LUZP2: variants seen among roughly 807,000 people sequenced by gnomAD.
LUZP2 encodes leucine zipper protein 2.
In LUZP2, 52 loss-of-function variants were observed where a neutral mutation model predicts 51.6. That is an observed-to-expected ratio of 1.01 (90% CI 0.81 to 1.27). The LOEUF is 1.27. LUZP2 is among the 50% of genes most tolerant of loss of function. LUZP2 has a pLI of 0.00. For synonymous variants in LUZP2, 154 were observed against 137.3 expected, an observed-to-expected ratio of 1.12 and a Z score of -0.85; for missense variants, 436 against 395.4, an observed-to-expected ratio of 1.10 and a Z score of -0.87.
chr11:24,714,578 T>C (rs982695966), intron 1 of LUZP2, among the ~76,000 whole-genome samples: 1 of 152,140 alleles, frequency 6.6e-6, no homozygotes, highest in Non-Finnish European at 1.5e-5. Context: ...AGTAAAAATC[T>C]TCATCAGCAT....
chr11:25,067,853 G>C (rs574889149), intron 10 of LUZP2, among the ~76,000 whole-genome samples: 1 of 152,096 alleles, frequency 6.6e-6, no homozygotes, highest in Admixed American at 6.6e-5. Flanking sequence ...CTACTATAAA[G>C]ACACATGCAC....
At chr11:24,504,852 T>C (rs1850102627) in intron 1 of LUZP2, among the ~76,000 whole-genome samples, 1 of 152,164 alleles carries the variant, frequency 6.6e-6, no homozygotes, top group Non-Finnish European at 1.5e-5. Context: ...AATGAATGGC[T>C]TTCATGAAGA....
intron 1 of LUZP2, among the ~76,000 whole-genome samples, chr11:24,715,133 AATG>A (rs1857987147): frequency 6.6e-6 from 1 of 150,824 alleles, no homozygotes; most frequent in Non-Finnish European, 1.5e-5. Context: ...AACAATGAAA[AATG>A]ATGTGTAATC....
At chr11:24,610,686 C>A (rs1854089106) in intron 1 of LUZP2, among the ~76,000 whole-genome samples, 1 of 152,172 alleles carries the variant, frequency 6.6e-6, no homozygotes, top group African/African-American at 2.4e-5. Flanking sequence ...TGGCTCAGGT[C>A]TATAATCCCA....
intron 8 of LUZP2, among the ~76,000 whole-genome samples, chr11:24,979,946 T>A (rs1010286300): frequency 1.3e-5 from 2 of 151,794 alleles, no homozygotes; most frequent in Non-Finnish European, 2.9e-5. Context: ...TAAATACTTC[T>A]TAATTAAAAA....
chr11:24,801,756 T>G (rs1021776982), intron 5 of LUZP2, among the ~76,000 whole-genome samples: 1 of 151,282 alleles, frequency 6.6e-6, no homozygotes, highest in Non-Finnish European at 1.5e-5. Flanking sequence ...TTATTTATTG[T>G]TTTTTCTTAA....
rs141486646 is a variant in LUZP2, at chr11:25,023,208, G to A, written c.766-26830G>A. Among the ~76,000 whole-genome samples, 1,187 of 152,148 alleles carry A rather than the reference G, an allele frequency of 7.8e-3. 32 individuals are homozygous for A. The East Asian group carries it at 0.098, about 13-fold the overall frequency. On this transcript the variant is annotated intron_variant, in intron 9 of 11. Transcript: ENST00000336930. Reference sequence around the variant, plus strand: ...CCCTCTTTTTCTATTGATTGGAATAGTTTCAGAAGGAATGGTACCAGCTCC... The same window carrying A: ...CCCTCTTTTTCTATTGATTGGAATAATTTCAGAAGGAATGGTACCAGCTCC...
chr11:24,890,965 C>T, intron 5 of LUZP2: 3 of 954,354 alleles, frequency 3.1e-6, no homozygotes, highest in Non-Finnish European at 3.7e-6. Flanking sequence ...AATACAACTG[C>T]AGTGAAATGG....
At chr11:25,038,396 A>C (rs925534400) in intron 9 of LUZP2, among the ~76,000 whole-genome samples, 4 of 152,234 alleles carry the variant, frequency 2.6e-5, no homozygotes, top group Non-Finnish European at 5.9e-5. Context: ...ACTGTAAAAC[A>C]ACTATGAAAT....
At chr11:24,736,216 T>TATC (rs34250180) in intron 3 of LUZP2, among the ~76,000 whole-genome samples, 24,123 of 151,830 alleles carry the variant, frequency 0.16, 2,000 homozygotes, top group Admixed American at 0.19. Flanking sequence ...ATTATCTATC[T>TATC]ATCTATCTAT....
At chr11:24,590,940 T>C (rs979397696) in intron 1 of LUZP2, among the ~76,000 whole-genome samples, 1 of 152,112 alleles carries the variant, frequency 6.6e-6, no homozygotes, top group Non-Finnish European at 1.5e-5. Context: ...CTATTTGCGC[T>C]AGCAAATAGA....
intron 7 of LUZP2, among the ~76,000 whole-genome samples, chr11:24,969,908 A>G (rs1190851911): frequency 6.6e-6 from 1 of 152,118 alleles, no homozygotes; most frequent in African/African-American, 2.4e-5. Flanking sequence ...GAACACACAC[A>G]TGCGCGCGCA....
At chr11:24,553,033 C>CATACACATACTGTAG (rs1851765361) in intron 1 of LUZP2, among the ~76,000 whole-genome samples, 1 of 151,354 alleles carries the variant, frequency 6.6e-6, no homozygotes, top group Non-Finnish European at 1.5e-5. Flanking sequence ...GACATTAAGA[C>CATACACATACTGTAG]ATACACATAC....
chr11:24,626,644 A>G (rs1269001419), intron 1 of LUZP2, among the ~76,000 whole-genome samples: 2 of 152,206 alleles, frequency 1.3e-5, no homozygotes, highest in African/African-American at 4.8e-5. Flanking sequence ...TCTAACTGTT[A>G]CTGAACTTCA....
intron 7 of LUZP2, among the ~76,000 whole-genome samples, chr11:24,962,814 T>C (rs1855456008): frequency 6.6e-6 from 1 of 152,242 alleles, no homozygotes; most frequent in South Asian, 2.1e-4. Flanking sequence ...AGGAACTGCG[T>C]TCCTTTGGAG....
rs116967627 is a variant in LUZP2, at chr11:25,013,514, A to G, written c.765+30221A>G. 6.6e-3 allele frequency among the ~76,000 whole-genome samples: 1,005 copies of G among 152,246 alleles called. 32 individuals are homozygous for G. The East Asian group carries it at 0.094, about 14-fold the overall frequency. On this transcript the variant is annotated intron_variant, in intron 9 of 11. Coordinates refer to ENST00000336930, the MANE Select transcript of LUZP2 (RefSeq NM_001009909.4). ...AGTTTATTGGTACAAAATAGATAAA[A>G]TGTTTGATCTCTTGAAATGCGTGAA... is the stretch of plus-strand genomic sequence containing the variant.
Position 25,009,996 on chromosome 11 carries a change from A to G in LUZP2, c.765+26703A>G, listed in dbSNP as rs145633724. Among the ~76,000 whole-genome samples the G allele has an allele frequency of 5.2e-3, 794 of 152,340 alleles. 2 individuals carry two copies. Among genetic ancestry groups the G allele is most frequent in the Non-Finnish European group, 8.1e-3 (553 of 68,032 alleles). On this transcript the variant is annotated intron_variant, in intron 9 of 11. Transcript: ENST00000336930. ...TTCTTCCTCAAATATTATTGGAACA[A>G]TATTAAAAATACAGTAAATTATGAT... is the stretch of plus-strand genomic sequence containing the variant.
At chr11:24,915,259 C>T (rs149451823) in intron 7 of LUZP2, among the ~76,000 whole-genome samples, 2 of 152,198 alleles carry the variant, frequency 1.3e-5, no homozygotes, top group East Asian at 1.9e-4. Flanking sequence ...TATTTCATAG[C>T]TCAACAGTGT....
intron 4 of LUZP2, chr11:24,762,916 T>C (rs1480611398): frequency 1.2e-6 from 1 of 841,574 alleles, no homozygotes; most frequent in Admixed American, 6.2e-5. Flanking sequence ...AACTCTAGAA[T>C]CTATTTTTTC....
Sources: gnomAD v4.1 joint callset for allele counts (sites outside exome capture counted in the v4.1 genomes callset) on GRCh38, gnomAD v4.1.1 for gene constraint, MANE v1.5 for transcripts, NCBI Gene and HGNC (gene_info 2026-07-23, HGNC 2026-07-21) for gene names.